The following FUS variants were observed in gnomAD, a reference collection of about 807,000 sequenced individuals.
FUS encodes FUS RNA binding protein.
In FUS, 5 loss-of-function variants were observed where a neutral mutation model predicts 82.7. That is an observed-to-expected ratio of 0.06 (90% CI 0.03 to 0.13). The LOEUF is 0.13. Ranked by LOEUF, FUS falls within the 10% of genes least tolerant of loss-of-function variation. The pLI is 1.00. For synonymous variants in FUS, 281 were observed against 247.4 expected (o/e 1.14, Z -1.27); for missense variants, 512 against 707.8 (o/e 0.72, Z 3.14).
downstream of FUS, chr16:31,193,204 T>G (rs772637754): frequency 2.0e-6 from 1 of 492,616 alleles, no homozygotes; most frequent in Non-Finnish European, 4.0e-6. Flanking sequence ...AGCCTCCCAA[T>G]AAACCATGAC....
chr16:31,188,067 A>G, intron 7 of FUS: 1 of 557,366 alleles, frequency 1.8e-6, no homozygotes, highest in Non-Finnish European at 3.2e-6. Context: ...GAGCTGGGGG[A>G]GGCAGCATTT....
intron 3 of FUS, chr16:31,182,936 G>A (rs886126164): frequency 3.2e-5 from 14 of 440,992 alleles, no homozygotes; most frequent in Non-Finnish European, 5.1e-5. Context: ...GGCTGGTCTG[G>A]AACTCCTGAC....
At chr16:31,193,818 AC>A (rs1459339335), downstream of FUS, 2 of 501,412 alleles carry the variant, frequency 4.0e-6, no homozygotes, top group Non-Finnish European at 3.8e-6. Context: ...TTTTTTAATT[AC>A]TTTTTTTTTT....
rs202036311 is a variant in FUS at position 31,190,016 on chromosome 16, G to C, written c.1067-24G>C. On this transcript the variant is annotated intron_variant, in intron 10 of 14. Coordinates refer to ENST00000254108, the MANE Select transcript of FUS (RefSeq NM_004960.4). ...TTAATGTGTCTTGCATTTAAAGTCT[G>C]TTGATGATTTTTTGTTTCTCTAGGT... The C allele has an allele frequency of 7.5e-6, 12 of 1,596,782 alleles. No homozygotes were observed. The East Asian group carries it at 2.7e-4, about 36-fold the overall frequency.
In FUS at chr16:31,182,641, C is replaced by T. The variant is rs1347246851; in HGVS notation, c.167C>T (p.Ser56Phe). The T allele has an allele frequency of 6.2e-7, 1 of 1,613,420 alleles. No individual in the cohort carries two copies. Among genetic ancestry groups the T allele is most frequent in the Non-Finnish European group, 8.5e-7 (1 of 1,179,330 alleles). The change falls in exon 3 of 15, where the codon TCT becomes TTT. Residue 56 changes from serine to phenylalanine, a missense_variant. Coordinates refer to ENST00000254108, the MANE Select transcript of FUS (RefSeq NM_004960.4). ...DTSGYGQSSY[S>F]SYGQSQNTGY... is the part of the protein sequence containing the mutation. ...TCAGGCTATGGCCAGAGCAGCTATT[C>T]TTCTTATGGCCAGAGCCAGAACAGT...
At position 31,180,148 on chromosome 16, in the gene FUS, T is replaced by A. The variant is rs767490389; in HGVS notation, c.-67T>A. On this transcript the variant is annotated 5_prime_UTR_variant, in exon 1 of 15. Transcript: ENST00000254108. ...CGCAGGAGGCGGGGCTGCTCAGTCC[T>A]CCAGGCGTCGGTACTCAGCGGTGTT... 6.9e-6 allele frequency: 11 copies of A among 1,588,032 alleles called. No individual in the cohort carries two copies. The South Asian group carries it at 1.0e-4, about 15-fold the overall frequency.
At position 31,182,501 on chromosome 16, in the gene FUS, C is replaced by T. The variant is rs1162920137; in HGVS notation, c.39-12C>T. Reference sequence around the variant, plus strand: ...CATGTTTTCTGATCACGCTGGTTTTCCTTTTATTTAGCTATGGGGCCTACC... The same window carrying T: ...CATGTTTTCTGATCACGCTGGTTTTTCTTTTATTTAGCTATGGGGCCTACC... On this transcript the variant is annotated splice_polypyrimidine_tract_variant and intron_variant, in intron 2 of 14. Transcript: ENST00000254108. The T allele has an allele frequency of 1.2e-6, 2 of 1,614,022 alleles. No individual in the cohort carries two copies. Among genetic ancestry groups the T allele is most frequent in the African/African-American group, 2.7e-5 (2 of 74,922 alleles).
intron 9 of FUS, 56 bp downstream of exon 9, chr16:31,189,282 A>G: frequency 8.0e-7 from 1 of 1,254,382 alleles, no homozygotes; most frequent in South Asian, 1.2e-5. Context: ...TGTGGATTTC[A>G]CACATTAGTA....
chr16:31,184,154 G>A (rs2079223456), intron 4 of FUS, 55 bp from the exon 5 acceptor site: 1 of 1,613,924 alleles, frequency 6.2e-7, no homozygotes. Flanking sequence ...AAAAGTGAAA[G>A]GAAATTGGGG....
At chr16:31,185,734 A>AG (rs2079259785) in intron 6 of FUS, 1 of 364,316 alleles carries the variant, frequency 2.7e-6, no homozygotes, top group Non-Finnish European at 5.5e-6. Context: ...AGCTGACTGA[A>AG]GTAAGCAGAC....
chr16:31,194,786 T>C (rs970619991), downstream of FUS: 7 of 481,028 alleles, frequency 1.5e-5, no homozygotes, highest in African/African-American at 1.4e-4. Flanking sequence ...TTTCAGCCCT[T>C]TTATGCTGGA....
chr16:31,185,114 C>T lies in FUS; in HGVS notation c.699C>T (p.Asn233=), dbSNP rs1027262634. Reference sequence around the variant, plus strand: ...GCGGCGGCGGCGGTGGTGGTTACAACCGCAGCAGTGGTGGCTATGAACCCA... The same window carrying T: ...GCGGCGGCGGCGGTGGTGGTTACAATCGCAGCAGTGGTGGCTATGAACCCA... ...GGGGGGGGGY[N]RSSGGYEPRG... The change falls in exon 6 of 15, where the codon AAC becomes AAT. Residue 233 remains asparagine, a synonymous_variant. Transcript: ENST00000254108. The T allele has an allele frequency of 6.2e-7, 1 of 1,609,254 alleles. No individual in the cohort carries two copies. The highest frequency in any genetic ancestry group is 8.5e-7 in the Non-Finnish European group (1 of 1,177,980).
chr16:31,185,556 G>A (rs886088044), intron 6 of FUS: 3 of 546,850 alleles, frequency 5.5e-6, no homozygotes, highest in Non-Finnish European at 1.1e-5. Context: ...AGGGAAACTT[G>A]GTATGTGTAT....
At chr16:31,188,666 C>T (rs930221274) in intron 8 of FUS, 4 of 512,718 alleles carry the variant, frequency 7.8e-6, no homozygotes, top group Non-Finnish European at 1.0e-5. Flanking sequence ...GTGGTTCTTT[C>T]AAAATGTGGA....
rs770918218 is a variant in FUS, at chr16:31,182,767, A to G, written c.190+103A>G. 3 of 1,422,232 alleles carry G rather than the reference A, an allele frequency of 2.1e-6. No homozygotes were observed. The South Asian group carries it at 3.5e-5, about 16-fold the overall frequency. 88.1% of individuals were successfully genotyped at this position (1,422,232 alleles called of 1,614,324 possible). On this transcript the variant is annotated intron_variant, in intron 3 of 14. Transcript: ENST00000254108. Reference sequence around the variant, plus strand: ...AGTCTGGTCCTGTTGCCCAGGCTGGAGTGCAGTGGTGCTGTCTCAGCTCAC... The same window carrying G: ...AGTCTGGTCCTGTTGCCCAGGCTGGGGTGCAGTGGTGCTGTCTCAGCTCAC...
At chr16:31,185,637 C>A (rs773347580) in intron 6 of FUS, 4 of 485,562 alleles carry the variant, frequency 8.2e-6, no homozygotes, top group Non-Finnish European at 1.6e-5. Flanking sequence ...CTACTCTTCC[C>A]GTTTTCTATA....
At position 31,184,203 on chromosome 16, in the gene FUS, C is replaced by T. The variant is rs778362735; in HGVS notation, c.336-6C>T. The T allele has an allele frequency of 1.9e-6, 3 of 1,614,000 alleles. No individual in the cohort carries two copies. Among genetic ancestry groups the T allele is most frequent in the African/African-American group, 1.3e-5 (1 of 74,902 alleles). ...TGTGATTGTGTTTTTTGTTTGTTTT[C>T]CCTAGTTACGGTAGCAGTTCTCAGA... On this transcript the variant is annotated splice_polypyrimidine_tract_variant and splice_region_variant and intron_variant, in intron 4 of 14. Coordinates refer to ENST00000254108, the MANE Select transcript of FUS (RefSeq NM_004960.4).
chr16:31,192,381 C>T, downstream of FUS: 1 of 524,344 alleles, frequency 1.9e-6, no homozygotes, highest in Non-Finnish European at 3.7e-6. Flanking sequence ...TTGCACGTAC[C>T]TGCCAACCAG....
At chr16:31,190,656 T>C in intron 12 of FUS, 86 bp from the exon 13 acceptor site, 1 of 1,331,422 alleles carries the variant, frequency 7.5e-7, no homozygotes, top group Non-Finnish European at 1.1e-6. Context: ...CCTCACTGTA[T>C]CTCTAAAGTC....
Sources: gnomAD v4.1 joint callset for allele counts on GRCh38, gnomAD v4.1.1 for gene constraint, MANE v1.5 for transcripts, NCBI Gene and HGNC (gene_info 2026-07-23, HGNC 2026-07-21) for gene names.